Variants in REC114 observed in about 807,000 individuals in gnomAD.
REC114 encodes meiotic recombination protein REC114.
Under a neutral mutation model 31.3 loss-of-function variants are expected in REC114, and 27 were observed. That is an observed-to-expected ratio of 0.86 (90% CI 0.64 to 1.19). REC114 has a LOEUF of 1.19. Among genes scored for constraint, REC114 ranks in the 50% most tolerant of loss-of-function variants. REC114 has a pLI of 0.00. For synonymous variants in REC114, 134 were observed against 127.7 expected (o/e 1.05, Z -0.33); for missense variants, 344 against 326.9 (o/e 1.05, Z -0.40).
chr15:73,529,630 C>T (rs1894050329), intron 2 of REC114, among the ~76,000 whole-genome samples: 1 of 152,102 alleles, frequency 6.6e-6, no homozygotes, highest in African/African-American at 2.4e-5. Flanking sequence ...TTTTCTCTAG[C>T]TTTGAATGTT....
intron 3 of REC114, among the ~76,000 whole-genome samples, chr15:73,550,035 A>G (rs1894366557): frequency 6.6e-6 from 1 of 152,200 alleles, no homozygotes; most frequent in South Asian, 2.1e-4. Context: ...CATGAGGGAA[A>G]AGGACTGTCA....
intron 1 of REC114, among the ~76,000 whole-genome samples, chr15:73,470,935 A>G (rs1893125253): frequency 6.6e-6 from 1 of 152,164 alleles, no homozygotes; most frequent in Admixed American, 6.5e-5. Context: ...GGGAGCAGGA[A>G]GGAGGCTAGT....
chr15:73,493,212 A>T (rs907290841), intron 2 of REC114, among the ~76,000 whole-genome samples: 1 of 151,876 alleles, frequency 6.6e-6, no homozygotes, highest in Non-Finnish European at 1.5e-5. Flanking sequence ...TAGAGATGAG[A>T]TCTCACCGTA....
At chr15:73,444,337 G>A (rs1183124285) in intron 1 of REC114, among the ~76,000 whole-genome samples, 2 of 152,238 alleles carry the variant, frequency 1.3e-5, no homozygotes, top group African/African-American at 4.8e-5. Flanking sequence ...CAAAATTGGA[G>A]TTAATCCTCT....
chr15:73,549,503 A>G (rs1316247026), intron 3 of REC114, among the ~76,000 whole-genome samples: 1 of 152,206 alleles, frequency 6.6e-6, no homozygotes, highest in African/African-American at 2.4e-5. Flanking sequence ...AACACAAAGG[A>G]TAAGTGCTTG....
At chr15:73,498,069 A>G (rs545948876) in intron 2 of REC114, among the ~76,000 whole-genome samples, 2 of 152,262 alleles carry the variant, frequency 1.3e-5, no homozygotes, top group African/African-American at 4.8e-5. Flanking sequence ...ACCTCAAGCT[A>G]TTGTTTGATT....
At chr15:73,530,272 C>A (rs1220583416) in intron 2 of REC114, among the ~76,000 whole-genome samples, 1 of 152,150 alleles carries the variant, frequency 6.6e-6, no homozygotes, top group African/African-American at 2.4e-5. Context: ...CTAATCAAAC[C>A]AGCTACAAAT....
At chr15:73,464,363 TAC>T (rs1215021602) in intron 1 of REC114, among the ~76,000 whole-genome samples, 2 of 152,072 alleles carry the variant, frequency 1.3e-5, no homozygotes, top group African/African-American at 4.8e-5. Context: ...TTATTATTAT[TAC>T]AGTTATTATT....
intron 1 of REC114, among the ~76,000 whole-genome samples, chr15:73,473,208 G>C (rs895317407): frequency 2.0e-5 from 3 of 152,114 alleles, no homozygotes; most frequent in Admixed American, 1.3e-4. Flanking sequence ...GACGAACATG[G>C]TGAAACCCCA....
intron 3 of REC114, among the ~76,000 whole-genome samples, chr15:73,542,959 T>A (rs909874068): frequency 2.7e-5 from 4 of 149,240 alleles, no homozygotes; most frequent in Admixed American, 1.3e-4. Flanking sequence ...TTTTTTTTTT[T>A]TTTATATAAA....
rs145976260 is a variant in REC114, at chr15:73,559,375, C to T, written c.637-377C>T. ...ATCCACTCTGCCACCTATGCTGTGGCGAAGATGAACTGAGCTAGTGGAGCT... is the reference window on the plus strand; with the variant it reads ...ATCCACTCTGCCACCTATGCTGTGGTGAAGATGAACTGAGCTAGTGGAGCT... On this transcript the variant is annotated intron_variant, in intron 5 of 5. Coordinates refer to ENST00000331090, the MANE Select transcript of REC114 (RefSeq NM_001042367.2). Among the ~76,000 whole-genome samples, 1,314 of 152,248 alleles carry T rather than the reference C, an allele frequency of 8.6e-3. 9 individuals carry two copies. The highest frequency in any genetic ancestry group is 0.011 in the Non-Finnish European group (729 of 68,012).
intron 3 of REC114, among the ~76,000 whole-genome samples, chr15:73,549,582 T>G (rs1264634994): frequency 6.6e-6 from 1 of 152,172 alleles, no homozygotes; most frequent in African/African-American, 2.4e-5. Flanking sequence ...AAACATCTCA[T>G]GTACCTCATA....
At chr15:73,447,424 C>A (rs1290348192) in intron 1 of REC114, among the ~76,000 whole-genome samples, 1 of 152,038 alleles carries the variant, frequency 6.6e-6, no homozygotes, top group Non-Finnish European at 1.5e-5. Context: ...TGATAAGAGG[C>A]CTGGCACAGT....
chr15:73,466,147 G>A lies in REC114; in HGVS notation c.160-7685G>A, dbSNP rs139958849. 2.8e-3 allele frequency among the ~76,000 whole-genome samples: 425 copies of A among 151,086 alleles called. 1 individual carries two copies. The highest frequency in any genetic ancestry group is 0.027 in the Middle Eastern group (8 of 294). ...ATTACAGGCATGAGCCACCGCACCC[G>A]GCCACCAATTGTTTTTATATCTAGT... On this transcript the variant is annotated intron_variant, in intron 1 of 5. Coordinates refer to ENST00000331090, the MANE Select transcript of REC114 (RefSeq NM_001042367.2).
At chr15:73,541,088 T>A (rs1348705702) in intron 3 of REC114, among the ~76,000 whole-genome samples, 1 of 152,180 alleles carries the variant, frequency 6.6e-6, no homozygotes, top group Non-Finnish European at 1.5e-5. Flanking sequence ...ATGGAGTAGA[T>A]AATATTGAAA....
Position 73,533,458 on chromosome 15 carries a change from A to G in REC114, c.250-7027A>G, listed in dbSNP as rs1254566331. ...ACAAAGAAGGCCATTACATAATGGT[A>G]AAGAGATCAATTCAACAAGAAGAGC... On this transcript the variant is annotated intron_variant, in intron 2 of 5. Coordinates refer to ENST00000331090, the MANE Select transcript of REC114 (RefSeq NM_001042367.2). Among the ~76,000 whole-genome samples the G allele has an allele frequency of 1.4e-5, 2 of 141,282 alleles. 1 individual carries two copies. Among genetic ancestry groups the G allele is most frequent in the Admixed American group, 1.4e-4 (2 of 14,568 alleles). 92.7% of individuals were successfully genotyped at this position (141,282 alleles called of 152,430 possible).
intron 1 of REC114, among the ~76,000 whole-genome samples, chr15:73,446,904 G>A (rs1308677653): frequency 2.6e-5 from 4 of 152,220 alleles, no homozygotes; most frequent in Non-Finnish European, 5.9e-5. Flanking sequence ...GATGGAATTG[G>A]AGGGGAATAT....
chr15:73,545,869 A>G (rs181381890), intron 3 of REC114, among the ~76,000 whole-genome samples: 3 of 152,328 alleles, frequency 2.0e-5, no homozygotes, highest in Admixed American at 6.5e-5. Flanking sequence ...TAGCTAATAT[A>G]AGGGTACTTC....
intron 2 of REC114, among the ~76,000 whole-genome samples, chr15:73,499,773 C>T (rs924414032): frequency 4.6e-5 from 7 of 152,278 alleles, no homozygotes; most frequent in African/African-American, 1.4e-4. Flanking sequence ...TGTTTCCTTA[C>T]AACTTCCCCC....
Sources: allele counts gnomAD v4.1 joint callset (sites outside exome capture counted in the v4.1 genomes callset), GRCh38; gene constraint gnomAD v4.1.1; transcripts MANE v1.5; gene names NCBI Gene and HGNC (gene_info 2026-07-23, HGNC 2026-07-21).